ATP6V1A: variants seen among roughly 807,000 people sequenced by gnomAD.
The protein encoded by ATP6V1A is ATPase H+ transporting V1 subunit A.
In ATP6V1A, 18 loss-of-function variants were observed where a neutral mutation model predicts 70.1. That is an observed-to-expected ratio of 0.26 (90% CI 0.18 to 0.38). The LOEUF is 0.38. ATP6V1A is among the 10% of genes least tolerant of loss of function. The probability of loss-of-function intolerance (pLI) is 1.00; values close to 1 mark genes in which losing one functional copy is unlikely to be tolerated. For synonymous variants in ATP6V1A, 232 were observed against 253.8 expected (o/e 0.91, Z 0.82); for missense variants, 424 against 772.4 (o/e 0.55, Z 5.35).
At position 113,809,933 on chromosome 3, in the gene ATP6V1A, AC is replaced by A. The variant is rs1490878967; in HGVS notation, c.*507del. Reference sequence around the variant, plus strand: ...TGCAGGAAATATTTAATTTTCAAAAACATAATGATTAATGTTCCAATTATGC... The same window carrying A: ...TGCAGGAAATATTTAATTTTCAAAAAATAATGATTAATGTTCCAATTATGC... On this transcript the variant is annotated 3_prime_UTR_variant, in exon 15 of 15. Transcript: ENST00000273398. The A allele has an allele frequency of 6.6e-6, 1 of 152,290 alleles. No individual in the cohort carries two copies. The highest frequency in any genetic ancestry group is 1.5e-5 in the Non-Finnish European group (1 of 68,074). 9.4% of individuals were successfully genotyped at this position (152,290 alleles called of 1,614,324 possible). A position where few individuals can be genotyped will look rare whatever the true frequency, so the allele number is the denominator to read the frequency against.
At chr3:113,763,374 G>A (rs770045821) in intron 1 of ATP6V1A, among the ~76,000 whole-genome samples, 1 of 152,134 alleles carries the variant, frequency 6.6e-6, no homozygotes, top group Admixed American at 6.5e-5. Context: ...GGCATGAGCC[G>A]CCACACCCAG....
chr3:113,809,268 G>C (rs1709314462), intron 14 of ATP6V1A, 67 bp from the exon 15 acceptor site: 1 of 1,321,394 alleles, frequency 7.6e-7, no homozygotes, highest in African/African-American at 1.5e-5. Flanking sequence ...AAAAAAAAAA[G>C]TAACTTAACA....
chr3:113,759,224 T>A (rs1191555590), intron 1 of ATP6V1A, among the ~76,000 whole-genome samples: 1 of 152,062 alleles, frequency 6.6e-6, no homozygotes, highest in African/African-American at 2.4e-5. Context: ...AAGGAAGTTT[T>A]ATAGTTTTAG....
At chr3:113,763,901 T>C (rs1708736465) in intron 1 of ATP6V1A, among the ~76,000 whole-genome samples, 1 of 152,162 alleles carries the variant, frequency 6.6e-6, no homozygotes, top group Non-Finnish European at 1.5e-5. Flanking sequence ...GCATGAATTC[T>C]TAGGTGGTTG....
chr3:113,798,139 A>G (rs1474491494), intron 11 of ATP6V1A, 104 bp from the exon 12 acceptor site: 1 of 879,552 alleles, frequency 1.1e-6, no homozygotes, highest in African/African-American at 1.8e-5. Flanking sequence ...TCTCAAAAAC[A>G]AAAAAAAAAG....
chr3:113,759,964 T>C (rs945682034), intron 1 of ATP6V1A, among the ~76,000 whole-genome samples: 1 of 152,232 alleles, frequency 6.6e-6, no homozygotes, highest in African/African-American at 2.4e-5. Context: ...ATTGAACAGC[T>C]TCTTTCACAT....
intron 14 of ATP6V1A, among the ~76,000 whole-genome samples, chr3:113,808,988 G>T (rs549031171): frequency 6.6e-6 from 1 of 151,996 alleles, no homozygotes; most frequent in Non-Finnish European, 1.5e-5. Flanking sequence ...AGTGGCTCAC[G>T]CCTGTAATCC....
chr3:113,793,026 T>A (rs978815718), intron 8 of ATP6V1A, among the ~76,000 whole-genome samples: 6 of 152,164 alleles, frequency 3.9e-5, no homozygotes, highest in African/African-American at 1.4e-4. Flanking sequence ...TACTGATTTC[T>A]AGAAACTCTT....
intron 1 of ATP6V1A, among the ~76,000 whole-genome samples, chr3:113,770,301 C>T (rs958802848): frequency 8.5e-5 from 13 of 152,134 alleles, no homozygotes; most frequent in Admixed American, 3.9e-4. Flanking sequence ...CTACCTGCCT[C>T]GGCCTCCCAA....
In ATP6V1A at chr3:113,762,087, G is replaced by A. The variant is rs1323033698; in HGVS notation, c.-14+14974G>A. 2.3e-5 allele frequency among the ~76,000 whole-genome samples: 3 copies of A among 130,312 alleles called. 1 individual carries two copies. The highest frequency in any genetic ancestry group is 5.1e-5 in the Non-Finnish European group (3 of 58,616). 85.5% of individuals were successfully genotyped at this position (130,312 alleles called of 152,430 possible). On this transcript the variant is annotated intron_variant, in intron 1 of 14. Coordinates refer to ENST00000273398, the MANE Select transcript of ATP6V1A (RefSeq NM_001690.4). ...GAATTGCTTGAACCCGGGAGGCAGA[G>A]GTTGTGGTGAGCCAAGATCGCGCCA...
At chr3:113,791,016 A>T (rs1316721267) in intron 8 of ATP6V1A, among the ~76,000 whole-genome samples, 2 of 152,088 alleles carry the variant, frequency 1.3e-5, no homozygotes, top group Admixed American at 6.6e-5. Context: ...CTTTATTAAG[A>T]TATATTCCAA....
At chr3:113,789,591 T>A in intron 7 of ATP6V1A, 141 bp from the exon 8 acceptor site, 1 of 561,192 alleles carries the variant, frequency 1.8e-6, no homozygotes, top group Non-Finnish European at 3.2e-6. Flanking sequence ...GAGGTTGGAG[T>A]GGTGGGGAAT....
Position 113,749,172 on chromosome 3 carries a change from C to T in ATP6V1A, c.-14+2059C>T, listed in dbSNP as rs78961198. Among the ~76,000 whole-genome samples the T allele has an allele frequency of 9.4e-3, 1,430 of 151,780 alleles. 18 individuals carry two copies. The highest frequency in any genetic ancestry group is 0.032 in the African/African-American group (1,332 of 41,348). ...GAACTCGTGAAAGCAATAACTTAGACCACTGATGAAATGTAGATTAGTAGT... is the reference window on the plus strand; with the variant it reads ...GAACTCGTGAAAGCAATAACTTAGATCACTGATGAAATGTAGATTAGTAGT... On this transcript the variant is annotated intron_variant, in intron 1 of 14. Coordinates refer to ENST00000273398, the MANE Select transcript of ATP6V1A (RefSeq NM_001690.4).
intron 13 of ATP6V1A, among the ~76,000 whole-genome samples, chr3:113,804,797 T>C (rs1358341268): frequency 6.6e-6 from 1 of 152,240 alleles, no homozygotes; most frequent in Non-Finnish European, 1.5e-5. Context: ...GTTGTACGAA[T>C]GTATGTGACT....
At chr3:113,768,272 A>C (rs1321104191) in intron 1 of ATP6V1A, among the ~76,000 whole-genome samples, 1 of 152,158 alleles carries the variant, frequency 6.6e-6, no homozygotes, top group Non-Finnish European at 1.5e-5. Flanking sequence ...AGTCCACCTT[A>C]GTAATTCTTA....
intron 5 of ATP6V1A, 23 bp from the exon 6 acceptor site, chr3:113,786,209 A>G (rs540339915): frequency 3.0e-5 from 47 of 1,583,280 alleles, no homozygotes; most frequent in Non-Finnish European, 3.9e-5. Flanking sequence ...TGACCATACT[A>G]AAATCCTACT....
intron 1 of ATP6V1A, among the ~76,000 whole-genome samples, chr3:113,766,611 A>T (rs886250125): frequency 2.0e-5 from 3 of 152,112 alleles, no homozygotes; most frequent in Admixed American, 1.3e-4. Flanking sequence ...TCATCTCTAG[A>T]GGGGCACTAA....
chr3:113,807,004 G>A (rs966813231), intron 14 of ATP6V1A, among the ~76,000 whole-genome samples: 2 of 151,728 alleles, frequency 1.3e-5, no homozygotes, highest in East Asian at 3.9e-4. Flanking sequence ...TTGTGTGTGT[G>A]TTCACACTAT....
At chr3:113,780,954 G>A (rs1708970651) in intron 2 of ATP6V1A, 96 bp from the exon 3 acceptor site, 2 of 1,451,976 alleles carry the variant, frequency 1.4e-6, no homozygotes, top group Non-Finnish European at 1.8e-6. Context: ...TATGAGAGAG[G>A]CACAATACTG....
Sources: allele counts gnomAD v4.1 joint callset (sites outside exome capture counted in the v4.1 genomes callset), GRCh38; gene constraint gnomAD v4.1.1; transcripts MANE v1.5; gene names NCBI Gene and HGNC (gene_info 2026-07-23, HGNC 2026-07-21).